RNF19A: variants seen among roughly 807,000 people sequenced by gnomAD.
RNF19A encodes E3 ubiquitin-protein ligase RNF19A.
Under a neutral mutation model 75.7 loss-of-function variants are expected in RNF19A, and 32 were observed. The observed-to-expected ratio is 0.42, with a 90% CI of 0.32 to 0.57. RNF19A has a LOEUF of 0.57. Ranked by LOEUF, RNF19A falls within the 20% of genes least tolerant of loss-of-function variation. The pLI is 0.10. For synonymous variants in RNF19A, 335 were observed against 345.2 expected (o/e 0.97, Z 0.33); for missense variants, 782 against 1,036.3 (o/e 0.75, Z 3.37).
chr8:100,268,648 G>C (rs1820102038), intron 5 of RNF19A, 137 bp downstream of exon 5: 4 of 446,178 alleles, frequency 9.0e-6, no homozygotes, highest in Non-Finnish European at 1.4e-5. Flanking sequence ...AAGAGTAACT[G>C]TTTTATACTG....
At position 100,275,270 on chromosome 8, in the gene RNF19A, AT is replaced by A; in HGVS notation, c.675-110del. On this transcript the variant is annotated intron_variant, in intron 2 of 9. Coordinates refer to ENST00000341084, the MANE Select transcript of RNF19A (RefSeq NM_183419.4). The surrounding 1 kb of genome is among the most constrained non-coding windows in gnomAD (Gnocchi z 4.3). ...CCTGAAAAACATTTTCTATTTATAC[AT>A]TAGCAAACAGTCATAAGCACAATCT... 1.2e-6 allele frequency: 1 copy of A among 866,918 alleles called. No homozygotes were observed. 53.7% of individuals were successfully genotyped at this position (866,918 alleles called of 1,614,324 possible).
chr8:100,278,796 T>C (rs1586629523), intron 2 of RNF19A, among the ~76,000 whole-genome samples: 1 of 152,148 alleles, frequency 6.6e-6, no homozygotes, highest in Middle Eastern at 3.4e-3. Context: ...GAATTAAGTT[T>C]TAAAAAAAAG....
Position 100,275,155 on chromosome 8 carries a change from A to G in RNF19A, c.681T>C (p.Ala227=), listed in dbSNP as rs1192001849. 1.2e-6 allele frequency: 2 copies of G among 1,613,728 alleles called. No homozygotes were observed. Among genetic ancestry groups the G allele is most frequent in the South Asian group, 1.1e-5 (1 of 91,010 alleles). The change falls in exon 3 of 10, where the codon GCT becomes GCC. Residue 227 remains alanine (A), a synonymous_variant. Transcript: ENST00000341084. The surrounding 1 kb of genome is among the most constrained non-coding windows in gnomAD (Gnocchi z 4.3). The part of the protein sequence containing the change: ...RWCPAPDCGY[A]VIAFGCASCP... ...AGCTGGCACATCCAAATGCTATCAC[A>G]GCATATCTTGAAAGAACAAGAAAAA...
At position 100,284,187 on chromosome 8, in the gene RNF19A, T is replaced by C. The variant is rs890924297; in HGVS notation, c.674+3314A>G. 2.0e-5 allele frequency among the ~76,000 whole-genome samples: 3 copies of C among 152,158 alleles called. No individual in the cohort carries two copies. Among genetic ancestry groups the C allele is most frequent in the Non-Finnish European group, 4.4e-5 (3 of 67,994 alleles). On this transcript the variant is annotated intron_variant, in intron 2 of 9. Coordinates refer to ENST00000341084, the MANE Select transcript of RNF19A (RefSeq NM_183419.4). The surrounding 1 kb of genome is among the most constrained non-coding windows in gnomAD (Gnocchi z 4.3). ...ATTTTGCTAGTAATAGCATTAAAGA[T>C]CTCACTTAATCCTTATAACAACAAG... is the stretch of plus-strand genomic sequence containing the variant.
chr8:100,326,772 T>C (rs892421758), intron 1 of RNF19A, among the ~76,000 whole-genome samples: 1 of 152,250 alleles, frequency 6.6e-6, no homozygotes, highest in African/African-American at 2.4e-5. Flanking sequence ...GTGATACTTA[T>C]CTTAAACACT....
intron 1 of RNF19A, among the ~76,000 whole-genome samples, chr8:100,316,591 T>A (rs1380065290): frequency 2.0e-5 from 3 of 152,120 alleles, no homozygotes; most frequent in African/African-American, 7.2e-5. Context: ...GAGCGTCGAT[T>A]GGTGCACTCA....
rs988471256 is a variant in RNF19A, at chr8:100,258,367, C to T, written c.*189G>A. On this transcript the variant is annotated 3_prime_UTR_variant, in exon 10 of 10. Coordinates refer to ENST00000341084, the MANE Select transcript of RNF19A (RefSeq NM_183419.4). This position sits in a 1 kb window ranked among gnomAD's most constrained non-coding sequence, Gnocchi z 4.3. ...CCTTAAAATAATGCACTTTTAAAGC[C>T]TTCACTTCATAGTTTGGTAACTAAG... 1 of 530,786 alleles carries T rather than the reference C, an allele frequency of 1.9e-6. No homozygotes were observed. Among genetic ancestry groups the T allele is most frequent in the African/African-American group, 1.9e-5 (1 of 51,708 alleles). 32.9% of individuals were successfully genotyped at this position (530,786 alleles called of 1,614,324 possible).
Position 100,287,953 on chromosome 8 carries a change from T to C in RNF19A, c.222A>G (p.Lys74=), listed in dbSNP as rs141211508. 1.2e-6 allele frequency: 2 copies of C among 1,614,096 alleles called. No individual in the cohort carries two copies. Among genetic ancestry groups the C allele is most frequent in the African/African-American group, 2.7e-5 (2 of 74,940 alleles). Residue 74 remains lysine (K), a synonymous_variant, in exon 2 of 10, where the codon AAA becomes AAG. Coordinates refer to ENST00000341084, the MANE Select transcript of RNF19A (RefSeq NM_183419.4). This position sits in a 1 kb window ranked among gnomAD's most constrained non-coding sequence, Gnocchi z 4.1. ...RISIGSLFRR[K]KDNKRKSREL... ...CCCTTGATTTACGTTTGTTATCTTT[T>C]TTCCTCCGAAACAGGGAGCCTATTG... is the stretch of plus-strand genomic sequence containing the variant.
At chr8:100,312,583 C>A (rs1194916672), upstream of RNF19A, among the ~76,000 whole-genome samples, 5 of 152,048 alleles carry the variant, frequency 3.3e-5, no homozygotes, top group Non-Finnish European at 7.4e-5. Flanking sequence ...CAGAGTGAGA[C>A]CCTGTCTCAA....
chr8:100,312,792 C>G (rs956373589), upstream of RNF19A, among the ~76,000 whole-genome samples: 12 of 152,176 alleles, frequency 7.9e-5, no homozygotes, highest in African/African-American at 2.9e-4. Context: ...GGCATGGTGG[C>G]ACACTCCTGT....
intron 1 of RNF19A, among the ~76,000 whole-genome samples, chr8:100,294,274 C>T (rs1821444238): frequency 1.3e-5 from 2 of 152,164 alleles, no homozygotes; most frequent in South Asian, 2.1e-4. Context: ...ACTTGAACTT[C>T]TGAAAGCTTG....
intron 2 of RNF19A, among the ~76,000 whole-genome samples, chr8:100,286,244 G>A (rs919366627): frequency 6.6e-6 from 1 of 152,052 alleles, no homozygotes; most frequent in East Asian, 1.9e-4. Flanking sequence ...CCCTGCATAC[G>A]TCCCAGAGTT....
At chr8:100,313,231 T>C, upstream of RNF19A, 1 of 680,910 alleles carries the variant, frequency 1.5e-6, no homozygotes, top group South Asian at 6.6e-5. Context: ...GTTTGCATGG[T>C]GCTTACATTG....
intron 2 of RNF19A, among the ~76,000 whole-genome samples, chr8:100,279,104 T>C (rs762182772): frequency 4.6e-5 from 7 of 152,164 alleles, no homozygotes; most frequent in Non-Finnish European, 5.9e-5. Flanking sequence ...TGGCTGCTTA[T>C]AGAGAACAAG....
At chr8:100,295,862 C>T (rs142409483) in intron 1 of RNF19A, among the ~76,000 whole-genome samples, 81 of 152,246 alleles carry the variant, frequency 5.3e-4, no homozygotes, top group African/African-American at 1.8e-3. Context: ...ATCACTTTCT[C>T]TTAACAGAGA....
chr8:100,288,430 A>C (rs1461281928), intron 1 of RNF19A, among the ~76,000 whole-genome samples, 163 bp from the exon 2 acceptor site: 2 of 152,188 alleles, frequency 1.3e-5, no homozygotes, highest in African/African-American at 2.4e-5. Flanking sequence ...AAACTACAAG[A>C]CTAATGCTGA....
chr8:100,280,675 C>T (rs1473963087), intron 2 of RNF19A, among the ~76,000 whole-genome samples: 1 of 152,196 alleles, frequency 6.6e-6, no homozygotes, highest in Non-Finnish European at 1.5e-5. Context: ...TTTTTTCTCA[C>T]ACTAACACTT....
At chr8:100,319,496 C>T (rs1822433304) in intron 1 of RNF19A, among the ~76,000 whole-genome samples, 1 of 146,704 alleles carries the variant, frequency 6.8e-6, no homozygotes, top group East Asian at 2.0e-4. Flanking sequence ...CCTCAAGTAA[C>T]TGCTATCCTG....
chr8:100,266,731 T>C (rs1034027356), intron 5 of RNF19A, among the ~76,000 whole-genome samples: 1 of 152,088 alleles, frequency 6.6e-6, no homozygotes, highest in African/African-American at 2.4e-5. Context: ...CAGGCTGGTC[T>C]CAAACTCCTG....
Sources: allele counts gnomAD v4.1 joint callset (sites outside exome capture counted in the v4.1 genomes callset), GRCh38; gene constraint gnomAD v4.1.1; non-coding constraint Gnocchi (gnomAD v3.1); transcripts MANE v1.5; gene names NCBI Gene and HGNC (gene_info 2026-07-23, HGNC 2026-07-21).